CARMIL1: variants seen among roughly 807,000 people sequenced by gnomAD.
The protein encoded by CARMIL1 is F-actin-uncapping protein LRRC16A.
In CARMIL1, 90 loss-of-function variants were observed where a neutral mutation model predicts 177.1. The observed-to-expected ratio is 0.51, with a 90% CI of 0.43 to 0.61. The LOEUF (loss-of-function observed/expected upper bound fraction) is 0.61, where lower values mean the gene tolerates loss of function less well. Among genes scored for constraint, CARMIL1 ranks in the 20% least tolerant of loss-of-function variants. CARMIL1 has a pLI of 0.00. For synonymous variants in CARMIL1, 577 were observed against 606.2 expected (o/e 0.95, Z 0.71); for missense variants, 1,380 against 1,667.0 (o/e 0.83, Z 3.00).
chr6:25,287,436 G>A (rs756188145), intron 2 of CARMIL1: 3 of 152,362 alleles, frequency 2.0e-5, no homozygotes, highest in Non-Finnish European at 2.9e-5. Context: ...TGTTTTTGAA[G>A]TCTAGTCAAG....
chr6:25,539,398 C>T (rs748360596), intron 25 of CARMIL1, among the ~76,000 whole-genome samples: 1 of 151,968 alleles, frequency 6.6e-6, no homozygotes, highest in Non-Finnish European at 1.5e-5. Flanking sequence ...CAAACACCTA[C>T]ACTTTTGGTG....
Position 25,619,611 on chromosome 6 carries a change from G to T in CARMIL1, c.*28G>T. The T allele has an allele frequency of 5.0e-6, 8 of 1,606,902 alleles. No individual in the cohort carries two copies. Among genetic ancestry groups the T allele is most frequent in the Non-Finnish European group, 5.9e-6 (7 of 1,176,600 alleles). ...GTCACCCACGCAGAAGTCTTCCTGT[G>T]CAGGGTGCTTTGGTAGCCATCAGAG... On this transcript the variant is annotated 3_prime_UTR_variant, in exon 37 of 37. Coordinates refer to ENST00000329474, the MANE Select transcript of CARMIL1 (RefSeq NM_017640.6).
At chr6:25,397,664 C>T (rs1188587236) in intron 2 of CARMIL1, among the ~76,000 whole-genome samples, 1 of 152,148 alleles carries the variant, frequency 6.6e-6, no homozygotes, top group Non-Finnish European at 1.5e-5. Flanking sequence ...ATGGTATTCA[C>T]TGGGCTGCTT....
intron 2 of CARMIL1, among the ~76,000 whole-genome samples, chr6:25,343,440 G>C (rs745888756): frequency 5.3e-5 from 8 of 151,668 alleles, no homozygotes; most frequent in African/African-American, 1.9e-4. Context: ...TCCTTAGTAG[G>C]GGTCAAGTGG....
At chr6:25,375,456 T>G (rs1304434544) in intron 2 of CARMIL1, among the ~76,000 whole-genome samples, 2 of 152,228 alleles carry the variant, frequency 1.3e-5, no homozygotes, top group Non-Finnish European at 2.9e-5. Flanking sequence ...GCCTGATGAC[T>G]GTATGCCTTG....
At chr6:25,606,363 G>GC in intron 35 of CARMIL1, 90 bp downstream of exon 35, 1 of 1,221,986 alleles carries the variant, frequency 8.2e-7, no homozygotes, top group South Asian at 1.5e-5. Context: ...TTCAGGGGCA[G>GC]CTGGTGAGCG....
chr6:25,572,718 A>G (rs1812207125), intron 29 of CARMIL1, among the ~76,000 whole-genome samples: 2 of 151,308 alleles, frequency 1.3e-5, no homozygotes, highest in African/African-American at 4.9e-5. Flanking sequence ...AAAAAAAAAA[A>G]AAAAAAAAAG....
chr6:25,297,580 G>A (rs1159383827), intron 2 of CARMIL1, among the ~76,000 whole-genome samples: 1 of 152,194 alleles, frequency 6.6e-6, no homozygotes, highest in East Asian at 1.9e-4. Flanking sequence ...CCTGTCCAGG[G>A]TTGCTTGTTA....
intron 2 of CARMIL1, among the ~76,000 whole-genome samples, chr6:25,380,580 A>T (rs1293456373): frequency 2.0e-5 from 3 of 152,246 alleles, no homozygotes; most frequent in Non-Finnish European, 2.9e-5. Flanking sequence ...TCTACAAAAA[A>T]CTAAAAAAAA....
At chr6:25,429,854 TA>T (rs1173597992) in intron 4 of CARMIL1, among the ~76,000 whole-genome samples, 1 of 151,166 alleles carries the variant, frequency 6.6e-6, no homozygotes, top group Non-Finnish European at 1.5e-5. Context: ...TATTATTATA[TA>T]TATATTTTTG....
intron 1 of CARMIL1, 116 bp downstream of exon 1, chr6:25,279,951 A>C: frequency 8.1e-7 from 1 of 1,241,018 alleles, no homozygotes; most frequent in Non-Finnish European, 1.2e-6. Context: ...CCCTTAGGGC[A>C]GAGTGGTGTT....
intron 29 of CARMIL1, among the ~76,000 whole-genome samples, chr6:25,560,930 C>A (rs1811055183): frequency 6.6e-6 from 1 of 152,108 alleles, no homozygotes; most frequent in Admixed American, 6.5e-5. Context: ...AGTTGTTATC[C>A]AATTGTTAGA....
intron 31 of CARMIL1, among the ~76,000 whole-genome samples, chr6:25,586,569 C>A (rs1444804166): frequency 1.3e-5 from 2 of 151,980 alleles, no homozygotes; most frequent in Non-Finnish European, 2.9e-5. Flanking sequence ...CAGGCAGAGG[C>A]TGCAATCTCG....
intron 33 of CARMIL1, 25 bp from the exon 34 acceptor site, chr6:25,604,787 G>A (rs1043827307): frequency 1.3e-6 from 2 of 1,545,460 alleles, no homozygotes; most frequent in Non-Finnish European, 1.8e-6. Context: ...GCACTTTTTG[G>A]GGGGATGGTG....
Position 25,426,132 on chromosome 6 carries a change from T to C in CARMIL1, c.190-369T>C, listed in dbSNP as rs191777926. On this transcript the variant is annotated intron_variant, in intron 3 of 36. Coordinates refer to ENST00000329474, the MANE Select transcript of CARMIL1 (RefSeq NM_017640.6). Reference sequence around the variant, plus strand: ...AATAGTGGTTAAGTGCAAAAACTTATTAGGTTCGTGCCAAAGTAATTGCGT... The same window carrying C: ...AATAGTGGTTAAGTGCAAAAACTTACTAGGTTCGTGCCAAAGTAATTGCGT... Among the ~76,000 whole-genome samples the C allele has an allele frequency of 9.3e-4, 142 of 152,304 alleles. 1 individual carries two copies. Among genetic ancestry groups the C allele is most frequent in the African/African-American group, 3.2e-3 (135 of 41,582 alleles).
chr6:25,604,890 G>A lies in CARMIL1; in HGVS notation c.3631G>A (p.Ala1211Thr), dbSNP rs772080225. 5 of 1,590,916 alleles carry A rather than the reference G, an allele frequency of 3.1e-6. No homozygotes were observed. The highest frequency in any genetic ancestry group is 1.6e-4 in the Middle Eastern group (1 of 6,066). ...CGTAGAACGGTCGGATGGAGGTGGG[G>A]CAGGTAAGTCAGGCCATTGCCATCA... ...SGVERSDGGG[A>T]VPKLHPGLPE... Residue 1211 changes from alanine to threonine, a missense_variant, in exon 34 of 37, where the codon GCA becomes ACA. Physicochemically the swap from Ala to Thr is moderately conservative, Grantham distance 58. Coordinates refer to ENST00000329474, the MANE Select transcript of CARMIL1 (RefSeq NM_017640.6).
intron 32 of CARMIL1, among the ~76,000 whole-genome samples, chr6:25,597,420 A>G (rs1452824519): frequency 6.6e-6 from 1 of 152,122 alleles, no homozygotes. Flanking sequence ...TAGATCGTAT[A>G]CTGTGATTAC....
At chr6:25,505,943 A>T (rs980218235) in intron 17 of CARMIL1, among the ~76,000 whole-genome samples, 1 of 152,158 alleles carries the variant, frequency 6.6e-6, no homozygotes, top group Non-Finnish European at 1.5e-5. Flanking sequence ...TGGGTGTGGG[A>T]GTTAGTTTCT....
At chr6:25,298,704 G>T (rs1365742569) in intron 2 of CARMIL1, among the ~76,000 whole-genome samples, 1 of 150,460 alleles carries the variant, frequency 6.6e-6, no homozygotes, top group Non-Finnish European at 1.5e-5. Context: ...ACTGCTGTCT[G>T]TTGCTGTTGC....
Sources: allele counts gnomAD v4.1 joint callset (sites outside exome capture counted in the v4.1 genomes callset), GRCh38; gene constraint gnomAD v4.1.1; transcripts MANE v1.5; gene names NCBI Gene and HGNC (gene_info 2026-07-23, HGNC 2026-07-21).